The following RASGEF1C variants were observed in gnomAD, a reference collection of about 807,000 sequenced individuals.
RASGEF1C encodes the protein RasGEF domain family member 1C, also known as ras-GEF domain-containing family member 1C.
Under a neutral mutation model 58.1 loss-of-function variants are expected in RASGEF1C, and 27 were observed. That is an observed-to-expected ratio of 0.46 (90% CI 0.34 to 0.64). The LOEUF is 0.64. Among genes scored for constraint, RASGEF1C ranks in the 30% least tolerant of loss-of-function variants. The probability of loss-of-function intolerance (pLI) is 0.01; values close to 1 mark genes in which losing one functional copy is unlikely to be tolerated. For missense variants in RASGEF1C, 502 were observed against 605.1 expected (o/e 0.83, Z 1.79); for synonymous variants, 243 against 246.3 (o/e 0.99, Z 0.13).
intron 1 of RASGEF1C, among the ~76,000 whole-genome samples, chr5:180,190,489 C>CAAA (rs869186264): frequency 5.3e-4 from 41 of 77,532 alleles, no homozygotes; most frequent in African/African-American, 8.3e-4. Context: ...GACTCCGTCT[C>CAAA]AAAAAAAAAA....
chr5:180,178,724 C>G (rs1164077078), intron 1 of RASGEF1C, among the ~76,000 whole-genome samples: 1 of 152,218 alleles, frequency 6.6e-6, no homozygotes, highest in Non-Finnish European at 1.5e-5. Context: ...TCATCACCGG[C>G]TTTCCACGCA....
intron 1 of RASGEF1C, among the ~76,000 whole-genome samples, chr5:180,165,104 T>A (rs558119031): frequency 2.9e-4 from 44 of 152,322 alleles, no homozygotes; most frequent in African/African-American, 1.1e-3. Context: ...TTGATTACTA[T>A]TTTCCTGATA....
At chr5:180,140,158 C>T (rs1017974298) in intron 1 of RASGEF1C, among the ~76,000 whole-genome samples, 1 of 152,188 alleles carries the variant, frequency 6.6e-6, no homozygotes, top group Non-Finnish European at 1.5e-5. Flanking sequence ...TGCTCTGGAG[C>T]GACTAGCTCT....
chr5:180,101,838 C>T (rs1203725906), intron 13 of RASGEF1C, among the ~76,000 whole-genome samples: 1 of 152,212 alleles, frequency 6.6e-6, no homozygotes, highest in Non-Finnish European at 1.5e-5. Context: ...AGGCAGCCAC[C>T]AGCCGTGGGG....
At chr5:180,184,945 G>C (rs1756006783) in intron 1 of RASGEF1C, among the ~76,000 whole-genome samples, 1 of 152,148 alleles carries the variant, frequency 6.6e-6, no homozygotes, top group Non-Finnish European at 1.5e-5. Flanking sequence ...CACAACCTTA[G>C]TTGAGATTTT....
chr5:180,121,267 C>T (rs570108607), intron 6 of RASGEF1C, 118 bp from the exon 7 acceptor site: 1 of 683,818 alleles, frequency 1.5e-6, no homozygotes. Flanking sequence ...CCCAAACCAT[C>T]CAGAAATACC....
intron 1 of RASGEF1C, among the ~76,000 whole-genome samples, chr5:180,166,457 T>C (rs922584726): frequency 6.6e-6 from 1 of 151,814 alleles, no homozygotes; most frequent in African/African-American, 2.4e-5. Context: ...CAACACACCC[T>C]CTTAGCTTCC....
At chr5:180,141,980 C>T (rs1766587634) in intron 1 of RASGEF1C, among the ~76,000 whole-genome samples, 1 of 152,132 alleles carries the variant, frequency 6.6e-6, no homozygotes, top group African/African-American at 2.4e-5. Flanking sequence ...GATGATGGGA[C>T]AATTGTTTAT....
intron 1 of RASGEF1C, among the ~76,000 whole-genome samples, chr5:180,152,892 CAA>C (rs1159421369): frequency 1.1e-5 from 1 of 90,952 alleles, no homozygotes; most frequent in Non-Finnish European, 2.0e-5. Flanking sequence ...GCCTGGGCAA[CAA>C]GAGCAAAACC....
chr5:180,112,870 A>AGGATGGACGGAGGGACCGG (rs1329734499), intron 11 of RASGEF1C, among the ~76,000 whole-genome samples: 6 of 135,604 alleles, frequency 4.4e-5, no homozygotes, highest in South Asian at 2.5e-4. Context: ...GGAGGGACCG[A>AGGATGGACGGAGGGACCGG]GGATGGACGG....
intron 1 of RASGEF1C, among the ~76,000 whole-genome samples, chr5:180,149,078 CTTTTTTTTTCT>C (rs1283213080): frequency 1.0e-5 from 1 of 97,186 alleles, no homozygotes; most frequent in African/African-American, 3.7e-5. Flanking sequence ...TTTTTCTTTT[CTTTTTTTTTCT>C]TTTTTTTTTT....
At position 180,119,461 on chromosome 5, in the gene RASGEF1C, C is replaced by T; in HGVS notation, c.805-13G>A. The T allele has an allele frequency of 6.2e-7, 1 of 1,608,708 alleles. No homozygotes were observed. Among genetic ancestry groups the T allele is most frequent in the African/African-American group, 1.3e-5 (1 of 74,940 alleles). ...TCTTCTTGGCTGGCTGGGGACAGGG[C>T]AGCAGAGCCTCAGTGGTGACACGCC... On this transcript the variant is annotated splice_polypyrimidine_tract_variant and intron_variant, in intron 7 of 13. Transcript: ENST00000361132.
At chr5:180,175,965 G>T (rs1054153859) in intron 1 of RASGEF1C, among the ~76,000 whole-genome samples, 3 of 152,246 alleles carry the variant, frequency 2.0e-5, no homozygotes, top group Non-Finnish European at 2.9e-5. Flanking sequence ...TCCAGCCTGG[G>T]CGACAGAGCG....
chr5:180,139,496 CT>C (rs1440053986), intron 1 of RASGEF1C, among the ~76,000 whole-genome samples: 1 of 152,202 alleles, frequency 6.6e-6, no homozygotes, highest in African/African-American at 2.4e-5. Context: ...CCTCAGAGGG[CT>C]GTCCCGTGGC....
chr5:180,162,638 C>T (rs889716125), intron 1 of RASGEF1C, among the ~76,000 whole-genome samples: 8 of 152,192 alleles, frequency 5.3e-5, no homozygotes, highest in Admixed American at 2.0e-4. Flanking sequence ...AACTTTTTAC[C>T]GGTGTGAATT....
chr5:180,146,777 T>C (rs544968727), intron 1 of RASGEF1C, among the ~76,000 whole-genome samples: 2 of 152,312 alleles, frequency 1.3e-5, no homozygotes, highest in East Asian at 3.9e-4. Context: ...GTTTACTTCT[T>C]GTAGTGCTTC....
chr5:180,104,521 G>A (rs1471832940), intron 12 of RASGEF1C, among the ~76,000 whole-genome samples: 1 of 152,180 alleles, frequency 6.6e-6, no homozygotes. Flanking sequence ...AAACTCAGTG[G>A]TAAGAAAATG....
At chr5:180,161,156 T>C (rs1183038816) in intron 1 of RASGEF1C, among the ~76,000 whole-genome samples, 2 of 152,100 alleles carry the variant, frequency 1.3e-5, no homozygotes, top group East Asian at 3.9e-4. Flanking sequence ...ACCTTGGAGA[T>C]TGATGTACCT....
At chr5:180,154,817 G>A (rs773060103) in intron 1 of RASGEF1C, among the ~76,000 whole-genome samples, 12 of 152,140 alleles carry the variant, frequency 7.9e-5, no homozygotes, top group Middle Eastern at 3.4e-3. Context: ...TCCCGACCTC[G>A]TGATCCACCC....
Sources: gnomAD v4.1 joint callset for allele counts (sites outside exome capture counted in the v4.1 genomes callset) on GRCh38, gnomAD v4.1.1 for gene constraint, MANE v1.5 for transcripts, NCBI Gene and HGNC (gene_info 2026-07-23, HGNC 2026-07-21) for gene names.